The following PPM1E variants were observed in gnomAD, a reference collection of about 807,000 sequenced individuals.
PPM1E encodes protein phosphatase 1E.
PPM1E carries 20 observed loss-of-function variants against 65.9 expected under a neutral mutation model. That is an observed-to-expected ratio of 0.30 (90% CI 0.21 to 0.44). PPM1E has a LOEUF of 0.44. PPM1E is among the 20% of genes least tolerant of loss of function. The pLI is 1.00. For synonymous variants in PPM1E, 352 were observed against 374.9 expected, an observed-to-expected ratio of 0.94 and a Z score of 0.70; for missense variants, 713 against 953.1, an observed-to-expected ratio of 0.75 and a Z score of 3.32.
In PPM1E at chr17:58,860,315, A is replaced by G. The variant is rs4132926; in HGVS notation, c.465-95334A>G. 9.5e-3 allele frequency among the ~76,000 whole-genome samples: 1,450 copies of G among 152,322 alleles called. 18 individuals are homozygous for G. Among genetic ancestry groups the G allele is most frequent in the African/African-American group, 0.033 (1,385 of 41,560 alleles). ...GCCATGGATTGGTGTCACACAGCCA[A>G]TATAGTCCATTTGGAGCTAGCCAGT... On this transcript the variant is annotated intron_variant, in intron 1 of 6. Coordinates refer to ENST00000308249, the MANE Select transcript of PPM1E (RefSeq NM_014906.5).
Position 58,983,958 on chromosome 17 carries a change from C to T in PPM1E, c.*2927C>T, listed in dbSNP as rs2031557858. Reference sequence around the variant, plus strand: ...GAGTCAGTCCCTAATTTACAGGTTTCCTTTGTTCACTTTCTAGATGTGTAC... The same window carrying T: ...GAGTCAGTCCCTAATTTACAGGTTTTCTTTGTTCACTTTCTAGATGTGTAC... On this transcript the variant is annotated 3_prime_UTR_variant, in exon 7 of 7. Coordinates refer to ENST00000308249, the MANE Select transcript of PPM1E (RefSeq NM_014906.5). The T allele has an allele frequency of 6.6e-6, 1 of 152,604 alleles. No individual in the cohort carries two copies. Among genetic ancestry groups the T allele is most frequent in the South Asian group, 2.1e-4 (1 of 4,834 alleles). The allele number at this position is 152,604 out of a possible 1,614,324, so 9.5% of individuals were successfully genotyped here.
intron 1 of PPM1E, among the ~76,000 whole-genome samples, chr17:58,850,754 CT>C (rs1431586419): frequency 6.6e-6 from 1 of 152,130 alleles, no homozygotes; most frequent in Non-Finnish European, 1.5e-5. Context: ...AATTATGTGT[CT>C]TGGAGTTGCT....
intron 1 of PPM1E, among the ~76,000 whole-genome samples, chr17:58,890,557 T>A (rs2051332369): frequency 6.6e-6 from 1 of 152,172 alleles, no homozygotes; most frequent in African/African-American, 2.4e-5. Context: ...GGGTTACAAA[T>A]AAATTTTAGT....
chr17:58,887,162 C>CTTTTTTTTTTTTTTTTT (rs71143300), intron 1 of PPM1E, among the ~76,000 whole-genome samples: 2 of 111,700 alleles, frequency 1.8e-5, no homozygotes, highest in African/African-American at 3.5e-5. Context: ...AGGCCTTCTT[C>CTTTTTTTTTTTTTTTTT]TTTTTTTTTT....
chr17:58,925,616 A>G (rs1332427513), intron 1 of PPM1E, among the ~76,000 whole-genome samples: 4 of 151,202 alleles, frequency 2.6e-5, no homozygotes, highest in Admixed American at 2.0e-4. Flanking sequence ...AATTTTTTGT[A>G]TTTTTAGTAG....
chr17:58,942,684 G>A (rs2052089384), intron 1 of PPM1E, among the ~76,000 whole-genome samples: 1 of 152,006 alleles, frequency 6.6e-6, no homozygotes, highest in Non-Finnish European at 1.5e-5. Flanking sequence ...GATTTGTGGG[G>A]GTAGGGGGAG....
At chr17:58,821,073 T>C (rs2050474895) in intron 1 of PPM1E, among the ~76,000 whole-genome samples, 1 of 152,054 alleles carries the variant, frequency 6.6e-6, no homozygotes, top group African/African-American at 2.4e-5. Context: ...ATTATAAACC[T>C]TCAGCTTAGC....
In PPM1E at chr17:58,756,156, G is replaced by A. The variant is rs556578450; in HGVS notation, c.159G>A (p.Leu53=). 16 of 1,591,842 alleles carry A rather than the reference G, an allele frequency of 1.0e-5. No individual in the cohort carries two copies. In the Admixed American group the frequency reaches 2.2e-4, roughly 22 times the overall value. Residue 53 remains leucine (L), a synonymous_variant, in exon 1 of 7, where the codon CTG becomes CTA. Transcript: ENST00000308249. ...CCGAGCCCGAGCCCGAACCTGAACT[G>A]GTAGAAGCTGAGGCGGCCGAGGCTT... ...PESEPEPEPE[L]VEAEAAEASV... is the part of the protein sequence containing the mutation.
At chr17:58,974,634 G>A (rs949787385) in intron 6 of PPM1E, among the ~76,000 whole-genome samples, 2 of 152,086 alleles carry the variant, frequency 1.3e-5, no homozygotes, top group Non-Finnish European at 2.9e-5. Flanking sequence ...TGGGTGATAT[G>A]TACATTACAT....
At chr17:58,757,912 C>T (rs769635509) in intron 1 of PPM1E, among the ~76,000 whole-genome samples, 60 of 151,902 alleles carry the variant, frequency 3.9e-4, no homozygotes, top group Non-Finnish European at 8.2e-4. Context: ...ACAGTATTAA[C>T]ATTTTAGAGT....
intron 1 of PPM1E, among the ~76,000 whole-genome samples, chr17:58,896,114 C>CA (rs1265542837): frequency 2.6e-3 from 165 of 62,452 alleles, no homozygotes; most frequent in East Asian, 0.012. Flanking sequence ...GACTCTGTCT[C>CA]AAAAAAAAAA....
At chr17:58,973,806 G>C (rs947163145) in intron 6 of PPM1E, among the ~76,000 whole-genome samples, 1 of 152,026 alleles carries the variant, frequency 6.6e-6, no homozygotes, top group African/African-American at 2.4e-5. Flanking sequence ...TAAAAAATTA[G>C]CTGGGTGTTG....
chr17:58,959,565 C>CTCTA (rs1320451294), intron 2 of PPM1E, among the ~76,000 whole-genome samples: 1 of 146,640 alleles, frequency 6.8e-6, no homozygotes, highest in East Asian at 2.0e-4. Context: ...CGCCACTGTA[C>CTCTA]TCTAGCCTGG....
intron 1 of PPM1E, among the ~76,000 whole-genome samples, chr17:58,796,409 T>G (rs1325948047): frequency 2.0e-5 from 3 of 152,146 alleles, no homozygotes; most frequent in Non-Finnish European, 4.4e-5. Flanking sequence ...TAGCTGCGAC[T>G]ACAGGCATGT....
intron 1 of PPM1E, among the ~76,000 whole-genome samples, chr17:58,877,550 T>G (rs2051141961): frequency 6.6e-6 from 1 of 152,086 alleles, no homozygotes; most frequent in African/African-American, 2.4e-5. Flanking sequence ...TTTTGATATA[T>G]TTTTTCCATA....
At chr17:58,775,550 T>C (rs923889446) in intron 1 of PPM1E, among the ~76,000 whole-genome samples, 2 of 152,162 alleles carry the variant, frequency 1.3e-5, no homozygotes, top group African/African-American at 2.4e-5. Context: ...ATCTAAACAA[T>C]ATCTTTTAAA....
intron 1 of PPM1E, among the ~76,000 whole-genome samples, chr17:58,816,500 T>C (rs2050416016): frequency 6.6e-6 from 1 of 151,494 alleles, no homozygotes; most frequent in Non-Finnish European, 1.5e-5. Context: ...CAAAACTTTT[T>C]CATCAGCCCA....
At chr17:58,882,510 C>A (rs559319640) in intron 1 of PPM1E, among the ~76,000 whole-genome samples, 68 of 152,158 alleles carry the variant, frequency 4.5e-4, no homozygotes, top group African/African-American at 1.6e-3. Flanking sequence ...TCTGCCTCAG[C>A]CTCTCGAGTA....
intron 4 of PPM1E, among the ~76,000 whole-genome samples, chr17:58,970,935 CT>C (rs2030567691): frequency 6.6e-6 from 1 of 152,022 alleles, no homozygotes; most frequent in South Asian, 2.1e-4. Flanking sequence ...CTATTCTATT[CT>C]TTTTTTCCTC....
Sources: allele counts gnomAD v4.1 joint callset (sites outside exome capture counted in the v4.1 genomes callset), GRCh38; gene constraint gnomAD v4.1.1; transcripts MANE v1.5; gene names NCBI Gene and HGNC (gene_info 2026-07-23, HGNC 2026-07-21).